Variants in CD9 observed in about 807,000 individuals in gnomAD.
The protein encoded by CD9 is CD9 antigen.
A neutral mutation model predicts 31.4 loss-of-function variants in CD9; 10 were observed. The ratio of observed to expected loss-of-function variants is 0.32; its 90% CI spans 0.20 to 0.54. The LOEUF is 0.54. Among genes scored for constraint, CD9 ranks in the 20% least tolerant of loss-of-function variants. The pLI is 0.94. For synonymous variants in CD9, 113 were observed against 114.1 expected (o/e 0.99, Z 0.06); for missense variants, 259 against 300.1 (o/e 0.86, Z 1.01).
chr12:6,214,119 G>A (rs900948216), intron 1 of CD9, among the ~76,000 whole-genome samples: 1 of 152,092 alleles, frequency 6.6e-6, no homozygotes, highest in African/African-American at 2.4e-5. Context: ...TCTGAGCTCT[G>A]CCTCTTCCTG....
chr12:6,207,152 G>T (rs1165420930), intron 1 of CD9, among the ~76,000 whole-genome samples: 1 of 152,174 alleles, frequency 6.6e-6, no homozygotes, highest in Non-Finnish European at 1.5e-5. Flanking sequence ...AAAGCACTGG[G>T]ATCATAAATG....
intron 2 of CD9, among the ~76,000 whole-genome samples, chr12:6,229,252 C>A (rs76923779): frequency 0.022 from 3,338 of 152,290 alleles, 104 homozygotes; most frequent in African/African-American, 0.07. Context: ...AATGCCCCCC[C>A]TTCCTCGGCC....
intron 1 of CD9, among the ~76,000 whole-genome samples, chr12:6,202,863 G>A (rs894675508): frequency 1.3e-5 from 2 of 152,198 alleles, no homozygotes; most frequent in Non-Finnish European, 2.9e-5. Flanking sequence ...ACCCAGGATC[G>A]CAGAGACAGA....
At chr12:6,217,507 G>A (rs1565422326) in intron 1 of CD9, among the ~76,000 whole-genome samples, 2 of 152,108 alleles carry the variant, frequency 1.3e-5, no homozygotes, top group Non-Finnish European at 2.9e-5. Context: ...CTCCAGCCTG[G>A]GTGACAGATT....
rs71064199 is a variant in CD9 at position 6,209,679 on chromosome 12, CTTTTTT to C, written c.66+9130_66+9135del. Among the ~76,000 whole-genome samples, 97 of 132,582 alleles carry C rather than the reference CTTTTTT, an allele frequency of 7.3e-4. 1 individual carries two copies. The highest frequency in any genetic ancestry group is 6.1e-3 in the South Asian group (26 of 4,258). 87.0% of individuals were successfully genotyped at this position (132,582 alleles called of 152,430 possible). A position where few individuals can be genotyped will look rare whatever the true frequency, so the allele number is the denominator to read the frequency against. On this transcript the variant is annotated intron_variant, in intron 1 of 7. Transcript: ENST00000009180. ...CTTTAGAGACCCAGACTGCAAATTT[CTTTTTT>C]TTTTTTTTTTTTTTTCTGAGATGGA...
Position 6,227,327 on chromosome 12 carries a change from T to C in CD9, c.175+1793T>C, listed in dbSNP as rs146929082. On this transcript the variant is annotated intron_variant, in intron 2 of 7. Coordinates refer to ENST00000009180, the MANE Select transcript of CD9 (RefSeq NM_001769.4). ...GATTCTCCTGCCTCAGCCTCCTGAG[T>C]AGCTGGGATTACAGGCATGTGCCAC... Among the ~76,000 whole-genome samples the C allele has an allele frequency of 6.2e-3, 947 of 152,224 alleles. 10 individuals carry two copies. The highest frequency in any genetic ancestry group is 0.022 in the African/African-American group (903 of 41,504).
rs372013678 is a variant in CD9 at position 6,203,351 on chromosome 12, C to A, written c.66+2786C>A. The stretch of plus-strand genomic sequence containing the variant: ...TGCTTGGGTGATTATGTTGTCACCA[C>A]GTCCGTTTCTCTCTTGAGACCAGAC... On this transcript the variant is annotated intron_variant, in intron 1 of 7. Coordinates refer to ENST00000009180, the MANE Select transcript of CD9 (RefSeq NM_001769.4). Among the ~76,000 whole-genome samples, 7 of 152,304 alleles carry A rather than the reference C, an allele frequency of 4.6e-5. No homozygotes were observed. The East Asian group carries it at 1.2e-3, about 25-fold the overall frequency.
intron 1 of CD9, among the ~76,000 whole-genome samples, chr12:6,214,884 A>G (rs1223783479): frequency 6.6e-6 from 1 of 152,064 alleles, no homozygotes; most frequent in Non-Finnish European, 1.5e-5. Flanking sequence ...TGGGTGGTGG[A>G]TGTGCATTTG....
chr12:6,218,049 A>G (rs1946259145), intron 1 of CD9, among the ~76,000 whole-genome samples: 1 of 151,928 alleles, frequency 6.6e-6, no homozygotes, highest in African/African-American at 2.4e-5. Flanking sequence ...ACATGGGGAA[A>G]CTTCATCTCT....
chr12:6,235,126 G>A, intron 4 of CD9, 103 bp from the exon 5 acceptor site: 1 of 860,830 alleles, frequency 1.2e-6, no homozygotes, highest in Non-Finnish European at 1.9e-6. Flanking sequence ...CAGGCATCTG[G>A]TGGCTGAGAG....
At chr12:6,210,615 T>A (rs1477406919) in intron 1 of CD9, among the ~76,000 whole-genome samples, 1 of 152,132 alleles carries the variant, frequency 6.6e-6, no homozygotes, top group African/African-American at 2.4e-5. Context: ...GGCTCCCTTG[T>A]GGCCTTTAAA....
At chr12:6,220,172 G>C (rs1946279573) in intron 1 of CD9, among the ~76,000 whole-genome samples, 1 of 152,194 alleles carries the variant, frequency 6.6e-6, no homozygotes, top group Non-Finnish European at 1.5e-5. Context: ...TTTGCCATTT[G>C]CATGGGAGGA....
chr12:6,216,758 A>T (rs1450162114), intron 1 of CD9, among the ~76,000 whole-genome samples: 1 of 152,086 alleles, frequency 6.6e-6, no homozygotes, highest in Non-Finnish European at 1.5e-5. Context: ...CAAACCAGGA[A>T]ACAGAACCCC....
Position 6,235,455 on chromosome 12 carries a change from ATCCCTGCCTTC to A in CD9, c.448-18_448-8del, listed in dbSNP as rs764684678. 6.2e-7 allele frequency: 1 copy of A among 1,613,500 alleles called. No individual in the cohort carries two copies. The highest frequency in any genetic ancestry group is 2.2e-5 in the East Asian group (1 of 44,866). On this transcript the variant is annotated splice_polypyrimidine_tract_variant and intron_variant, in intron 5 of 7. Coordinates refer to ENST00000009180, the MANE Select transcript of CD9 (RefSeq NM_001769.4). ...CTTACAATTTGTTTCTCTCATCCCC[ATCCCTGCCTTC>A]TCGCTGTAGTTGAACTGCTGTGGTT...
intron 4 of CD9, among the ~76,000 whole-genome samples, chr12:6,234,180 G>A (rs1309378928): frequency 1.3e-5 from 2 of 151,786 alleles, no homozygotes; most frequent in Non-Finnish European, 2.9e-5. Flanking sequence ...GCTGAGCATG[G>A]CTGAGCTTGG....
In CD9 at chr12:6,235,939, T is replaced by C. The variant is rs972533721; in HGVS notation, c.538-253T>C. 235 of 1,398,280 alleles carry C rather than the reference T, an allele frequency of 1.7e-4. 1 individual carries two copies. The highest frequency in any genetic ancestry group is 2.1e-4 in the Non-Finnish European group (228 of 1,079,612). The allele number at this position is 1,398,280 out of a possible 1,614,324, so 86.6% of individuals were successfully genotyped here. ...GGTGACCTTACAACCATGTCAGAAA[T>C]AGACCCCCAAGCAGGGCCTGTCCCT... On this transcript the variant is annotated intron_variant, in intron 6 of 7. Coordinates refer to ENST00000009180, the MANE Select transcript of CD9 (RefSeq NM_001769.4).
intron 1 of CD9, among the ~76,000 whole-genome samples, chr12:6,217,872 C>T (rs11568222): frequency 0.016 from 2,467 of 152,284 alleles, 73 homozygotes; most frequent in African/African-American, 0.057. Flanking sequence ...GATCTGCTCT[C>T]CACTTTCTGG....
intron 1 of CD9, among the ~76,000 whole-genome samples, chr12:6,203,288 C>T (rs975355890): frequency 6.6e-6 from 1 of 152,108 alleles, no homozygotes; most frequent in Non-Finnish European, 1.5e-5. Flanking sequence ...GAAGAAGCTC[C>T]CAAGACTCCC....
At chr12:6,205,077 T>C (rs758730) in intron 1 of CD9, among the ~76,000 whole-genome samples, 95,428 of 152,214 alleles carry the variant, frequency 0.63, 31,378 homozygotes, top group African/African-American at 0.84. Context: ...CCCCTCCCCA[T>C]GGTCTGCCTT....
Sources: gnomAD v4.1 joint callset for allele counts (sites outside exome capture counted in the v4.1 genomes callset) on GRCh38, gnomAD v4.1.1 for gene constraint, MANE v1.5 for transcripts, NCBI Gene and HGNC (gene_info 2026-07-23, HGNC 2026-07-21) for gene names.